Variants in GPALPP1 observed in about 807,000 individuals in gnomAD.
The protein encoded by GPALPP1 is GPALPP motifs containing 1, also known as GPALPP motifs-containing protein 1.
Under a neutral mutation model 38.9 loss-of-function variants are expected in GPALPP1, and 30 were observed. That is an observed-to-expected ratio of 0.77 (90% confidence interval 0.58 to 1.05). The LOEUF is 1.05. Ranked by LOEUF, GPALPP1 falls within the 50% of genes least tolerant of loss-of-function variation. GPALPP1 has a pLI of 0.00. For missense variants in GPALPP1, 384 were observed against 408.8 expected (o/e 0.94, Z 0.52); for synonymous variants, 120 against 139.2 (o/e 0.86, Z 0.97).
chr13:45,012,197 T>C (rs1874526922), intron 4 of GPALPP1, among the ~76,000 whole-genome samples: 1 of 152,128 alleles, frequency 6.6e-6, no homozygotes, highest in African/African-American at 2.4e-5. Context: ...AGCCTCAAAG[T>C]TCTGCTCTGT....
At chr13:44,998,443 A>G (rs1873444705) in intron 1 of GPALPP1, among the ~76,000 whole-genome samples, 1 of 152,012 alleles carries the variant, frequency 6.6e-6, no homozygotes, top group Non-Finnish European at 1.5e-5. Flanking sequence ...ACCCTCACCA[A>G]TTCAAGGCTT....
Position 45,030,229 on chromosome 13 carries a change from G to C in GPALPP1, c.*2226G>C, listed in dbSNP as rs958049374. 1 of 152,124 alleles carries C rather than the reference G, an allele frequency of 6.6e-6. No individual in the cohort carries two copies. The highest frequency in any genetic ancestry group is 2.4e-5 in the African/African-American group (1 of 41,428). The allele number at this position is 152,124 out of a possible 1,614,324, so 9.4% of individuals were successfully genotyped here. A position where few individuals can be genotyped will look rare whatever the true frequency, so the allele number is the denominator to read the frequency against. On this transcript the variant is annotated 3_prime_UTR_variant, in exon 8 of 8. Coordinates refer to ENST00000379151, the MANE Select transcript of GPALPP1 (RefSeq NM_018559.5). ...TAATGCTTTAAGCACTGCCTCTTAA[G>C]ATGATAAATTTATAAGATGAGAAAT... is the stretch of plus-strand genomic sequence containing the variant.
At chr13:45,033,395 T>C (rs1876296200), downstream of GPALPP1, 1 of 150,414 alleles carries the variant, frequency 6.6e-6, no homozygotes, top group Non-Finnish European at 1.5e-5. Context: ...GATGCCATCA[T>C]GAGATTTAAG....
At chr13:45,004,161 A>G in intron 1 of GPALPP1, 144 bp from the exon 2 acceptor site, 1 of 654,544 alleles carries the variant, frequency 1.5e-6, no homozygotes, top group South Asian at 2.1e-5. Flanking sequence ...ACTGTACACA[A>G]ACAACAGCAA....
At chr13:44,993,058 T>A (rs1035263534) in intron 1 of GPALPP1, among the ~76,000 whole-genome samples, 1 of 152,232 alleles carries the variant, frequency 6.6e-6, no homozygotes, top group Admixed American at 6.5e-5. Flanking sequence ...TGCCCTTTGG[T>A]TACTGGCTTA....
intron 7 of GPALPP1, among the ~76,000 whole-genome samples, chr13:45,024,262 C>CTGTG (rs34572145): frequency 0.037 from 887 of 24,252 alleles, 123 homozygotes; most frequent in Admixed American, 0.055. Flanking sequence ...CCCTAAAACT[C>CTGTG]TGTGTGTGTG....
intron 4 of GPALPP1, among the ~76,000 whole-genome samples, chr13:45,009,280 T>C (rs1874314502): frequency 6.6e-6 from 1 of 152,198 alleles, no homozygotes; most frequent in Admixed American, 6.5e-5. Context: ...TAACTAAGCT[T>C]TAGTATCTGT....
chr13:45,013,020 G>A (rs1874588541), intron 4 of GPALPP1, among the ~76,000 whole-genome samples: 1 of 152,088 alleles, frequency 6.6e-6, no homozygotes, highest in South Asian at 2.1e-4. Context: ...AACTCAAAAT[G>A]GAACTTTATC....
exon 8 of GPALPP1, chr13:45,037,497 A>C (rs1030430921): frequency 6.6e-6 from 1 of 152,232 alleles, no homozygotes; most frequent in African/African-American, 2.4e-5. Flanking sequence ...CAGCAAATAA[A>C]TCTAGAAATT....
At chr13:44,996,609 A>C (rs1873296675) in intron 1 of GPALPP1, among the ~76,000 whole-genome samples, 1 of 151,386 alleles carries the variant, frequency 6.6e-6, no homozygotes, top group East Asian at 2.0e-4. Context: ...CAGCCTCCTG[A>C]CTAGCTGAAA....
chr13:45,024,168 T>C (rs1247740168), intron 7 of GPALPP1, among the ~76,000 whole-genome samples: 2 of 121,940 alleles, frequency 1.6e-5, no homozygotes, highest in African/African-American at 6.9e-5. Flanking sequence ...TGTGTGTGTG[T>C]GTGTGTGTGT....
intron 1 of GPALPP1, among the ~76,000 whole-genome samples, chr13:44,999,842 T>G (rs1280236310): frequency 6.6e-6 from 1 of 152,186 alleles, no homozygotes; most frequent in Non-Finnish European, 1.5e-5. Flanking sequence ...CCTCCCAAAG[T>G]TCTGGGATTA....
At chr13:45,035,171 T>C (rs1876367817), downstream of GPALPP1, 1 of 152,502 alleles carries the variant, frequency 6.6e-6, no homozygotes, top group Non-Finnish European at 1.5e-5. Context: ...TTAGCCAGGA[T>C]GGTCTCGATC....
downstream of GPALPP1, chr13:45,035,004 T>C (rs758339705): frequency 4.2e-5 from 6 of 143,496 alleles, no homozygotes; most frequent in Admixed American, 1.5e-4. Flanking sequence ...TCTCTCAGGC[T>C]GGAGTGCAGT....
rs1308680252 is a variant in GPALPP1 at position 44,999,665 on chromosome 13, C to T, written c.89-4640C>T. 4.6e-5 allele frequency among the ~76,000 whole-genome samples: 7 copies of T among 152,240 alleles called. No individual in the cohort carries two copies. The South Asian group carries it at 1.2e-3, about 27-fold the overall frequency. On this transcript the variant is annotated intron_variant, in intron 1 of 7. Coordinates refer to ENST00000379151, the MANE Select transcript of GPALPP1 (RefSeq NM_018559.5). The stretch of plus-strand genomic sequence containing the variant: ...CGTGATCTTGGCTCACAGCAACCTC[C>T]GCCTCCCGGGTTCAAGTGATTCTCC...
intron 4 of GPALPP1, among the ~76,000 whole-genome samples, chr13:45,012,801 G>A (rs920511341): frequency 2.0e-5 from 3 of 151,926 alleles, no homozygotes; most frequent in Non-Finnish European, 4.4e-5. Flanking sequence ...TGAGATTTTC[G>A]TTTCTCAAAG....
At chr13:45,004,101 G>A (rs1163549198) in intron 1 of GPALPP1, among the ~76,000 whole-genome samples, 1 of 152,196 alleles carries the variant, frequency 6.6e-6, no homozygotes, top group East Asian at 1.9e-4. Context: ...TCATGAAAGA[G>A]ATTGTGTAAG....
intron 7 of GPALPP1, among the ~76,000 whole-genome samples, chr13:45,026,512 T>G (rs1194005246): frequency 6.6e-6 from 1 of 152,220 alleles, no homozygotes; most frequent in Non-Finnish European, 1.5e-5. Context: ...TTTTACCTTC[T>G]AGATAAAATA....
intron 3 of GPALPP1, among the ~76,000 whole-genome samples, chr13:45,007,015 T>G (rs1874149803): frequency 6.6e-6 from 1 of 152,002 alleles, no homozygotes; most frequent in Admixed American, 6.6e-5. Flanking sequence ...TTATTTTATA[T>G]TCAAAGTTTA....
Sources: allele counts gnomAD v4.1 joint callset (sites outside exome capture counted in the v4.1 genomes callset), GRCh38; gene constraint gnomAD v4.1.1; transcripts MANE v1.5; gene names NCBI Gene and HGNC (gene_info 2026-07-23, HGNC 2026-07-21).